HPCAL4: variants seen among roughly 807,000 people sequenced by gnomAD.
HPCAL4 encodes hippocalcin like 4.
In HPCAL4, 16 loss-of-function variants were observed where a neutral mutation model predicts 18.2. The ratio of observed to expected loss-of-function variants is 0.88; its 90% CI spans 0.59 to 1.33. The LOEUF (loss-of-function observed/expected upper bound fraction) is 1.33, where lower values mean the gene tolerates loss of function less well. Among genes scored for constraint, HPCAL4 ranks in the 40% most tolerant of loss-of-function variants. HPCAL4 has a pLI of 0.00. For synonymous variants in HPCAL4, 80 were observed against 97.5 expected, an observed-to-expected ratio of 0.82 and a Z score of 1.06; for missense variants, 214 against 256.6, an observed-to-expected ratio of 0.83 and a Z score of 1.14.
At chr1:39,689,495 G>T (rs1646701767) in intron 1 of HPCAL4, among the ~76,000 whole-genome samples, 1 of 152,204 alleles carries the variant, frequency 6.6e-6, no homozygotes. Context: ...CCTAGGGGAA[G>T]GAAGGGTTCA....
chr1:39,679,506 G>C lies in HPCAL4; in HGVS notation c.*3030C>G, dbSNP rs373882770. On this transcript the variant is annotated 3_prime_UTR_variant, in exon 4 of 4. Coordinates refer to ENST00000372844, the MANE Select transcript of HPCAL4 (RefSeq NM_016257.4). Reference sequence around the variant, plus strand: ...AGATTCTGGGACCTTGCAATTCACAGAGTTGTTGCAATAAGATTGGAATTT... The same window carrying C: ...AGATTCTGGGACCTTGCAATTCACACAGTTGTTGCAATAAGATTGGAATTT... 11 of 152,378 alleles carry C rather than the reference G, an allele frequency of 7.2e-5. No individual in the cohort carries two copies. The East Asian group carries it at 1.9e-3, about 27-fold the overall frequency. 9.4% of individuals were successfully genotyped at this position (152,378 alleles called of 1,614,324 possible). A position where few individuals can be genotyped will look rare whatever the true frequency, so the allele number is the denominator to read the frequency against.
chr1:39,687,311 T>C (rs1646683130), intron 1 of HPCAL4, among the ~76,000 whole-genome samples: 1 of 152,130 alleles, frequency 6.6e-6, no homozygotes, highest in South Asian at 2.1e-4. Flanking sequence ...CTCACCCCTC[T>C]CCCAAATCCA....
rs1451963020 is a variant in HPCAL4, at chr1:39,679,626, G to A, written c.*2910C>T. On this transcript the variant is annotated 3_prime_UTR_variant, in exon 4 of 4. Coordinates refer to ENST00000372844, the MANE Select transcript of HPCAL4 (RefSeq NM_016257.4). ...AATCTCTGCCAGCCTTGTGCTTTGCGGCAAGTCTCTCTCAGCTGGTGCAGG... is the reference window on the plus strand; with the variant it reads ...AATCTCTGCCAGCCTTGTGCTTTGCAGCAAGTCTCTCTCAGCTGGTGCAGG... 4 of 152,152 alleles carry A rather than the reference G, an allele frequency of 2.6e-5. No homozygotes were observed. The highest frequency in any genetic ancestry group is 1.9e-4 in the East Asian group (1 of 5,188). The allele number at this position is 152,152 out of a possible 1,614,324, so 9.4% of individuals were successfully genotyped here. A position where few individuals can be genotyped will look rare whatever the true frequency, so the allele number is the denominator to read the frequency against.
Position 39,679,887 on chromosome 1 carries a change from C to T in HPCAL4, c.*2649G>A, listed in dbSNP as rs1646610402. The T allele has an allele frequency of 1.3e-5, 2 of 152,418 alleles. No homozygotes were observed. Among genetic ancestry groups the T allele is most frequent in the Admixed American group, 6.5e-5 (1 of 15,280 alleles). The allele number at this position is 152,418 out of a possible 1,614,324, so 9.4% of individuals were successfully genotyped here. On this transcript the variant is annotated 3_prime_UTR_variant, in exon 4 of 4. Transcript: ENST00000372844. ...AAAAATCACCCATGGGTATGTGTGT[C>T]CAGAAGCCTGGAGTAATCAAACACG...
intron 3 of HPCAL4, 50 bp downstream of exon 3, chr1:39,683,887 G>C: frequency 6.5e-7 from 1 of 1,536,904 alleles, no homozygotes; most frequent in South Asian, 1.1e-5. Context: ...CAGGGGCGGG[G>C]ATGGCGAAGC....
chr1:39,682,591 G>A lies in HPCAL4; in HGVS notation c.521C>T (p.Ala174Val). The A allele has an allele frequency of 6.2e-7, 1 of 1,614,248 alleles. No individual in the cohort carries two copies. Among genetic ancestry groups the A allele is most frequent in the Non-Finnish European group, 8.5e-7 (1 of 1,180,042 alleles). Residue 174 changes from alanine (A) to valine (V), a missense_variant, in exon 4 of 4, where the codon GCA becomes GTA. By Grantham distance (64) the Ala-to-Val change is moderately conservative. Coordinates refer to ENST00000372844, the MANE Select transcript of HPCAL4 (RefSeq NM_016257.4). ...CACAATGGATGGGTCACTCTTGGCT[G>A]CCTCCTTGAACTCCTCCAATGTAAT... ...DQITLEEFKE[A>V]AKSDPSIVLL...
In HPCAL4 at chr1:39,684,005, C is replaced by T. The variant is rs1171407351; in HGVS notation, c.310G>A (p.Ala104Thr). 1 of 1,613,872 alleles carries T rather than the reference C, an allele frequency of 6.2e-7. No individual in the cohort carries two copies. Among genetic ancestry groups the T allele is most frequent in the Non-Finnish European group, 8.5e-7 (1 of 1,179,916 alleles). The change falls in exon 3 of 4, where the codon GCC becomes ACC. Residue 104 changes from alanine to threonine, a missense_variant. Transcript: ENST00000372844. ...RGSFEQKLNW[A>T]FEMYDLDGDG... The stretch of plus-strand genomic sequence containing the variant: ...CCGTCCAGGTCGTACATCTCAAAGG[C>T]CCAGTTGAGCTTCTGCTCGAAGCTG...
chr1:39,684,250 C>T, intron 2 of HPCAL4, 98 bp from the exon 3 acceptor site: 4 of 1,167,356 alleles, frequency 3.4e-6, no homozygotes, highest in Non-Finnish European at 4.9e-6. Flanking sequence ...CTCGCCTCCT[C>T]CCACCCCGGG....
rs1646647275 is a variant in HPCAL4, at chr1:39,683,808, G to T, written c.378+129C>A. The T allele has an allele frequency of 1.2e-5, 9 of 780,028 alleles. 1 individual carries two copies. In the South Asian group the frequency reaches 1.3e-4, roughly 11 times the overall value. 48.3% of individuals were successfully genotyped at this position (780,028 alleles called of 1,614,324 possible). A position where few individuals can be genotyped will look rare whatever the true frequency, so the allele number is the denominator to read the frequency against. ...GCATTTAGCCCGGGCCTGTAGCGGG[G>T]TGGTAGGAGGCGGGATCGCAGGCTG... On this transcript the variant is annotated intron_variant, in intron 3 of 3. Transcript: ENST00000372844.
Position 39,681,163 on chromosome 1 carries a change from C to T in HPCAL4, c.*1373G>A, listed in dbSNP as rs1646623154. 6.6e-6 allele frequency: 1 copy of T among 152,338 alleles called. No homozygotes were observed. The highest frequency in any genetic ancestry group is 2.4e-5 in the African/African-American group (1 of 41,458). The allele number at this position is 152,338 out of a possible 1,614,324, so 9.4% of individuals were successfully genotyped here. A position where few individuals can be genotyped will look rare whatever the true frequency, so the allele number is the denominator to read the frequency against. On this transcript the variant is annotated 3_prime_UTR_variant, in exon 4 of 4. Transcript: ENST00000372844. The stretch of plus-strand genomic sequence containing the variant: ...CAGGCATTGGAAAGCAGAACCAGCA[C>T]ACTTGGAAGATGTTGAACTACCTGG...
At chr1:39,684,817 G>C (rs1216578067) in intron 1 of HPCAL4, among the ~76,000 whole-genome samples, 1 of 152,118 alleles carries the variant, frequency 6.6e-6, no homozygotes, top group Non-Finnish European at 1.5e-5. Context: ...CGCCTTCCAG[G>C]TCTCAGCTCT....
chr1:39,684,737 A>C, intron 1 of HPCAL4, 126 bp from the exon 2 acceptor site: 1 of 732,636 alleles, frequency 1.4e-6, no homozygotes. Context: ...ACTCCCCCAT[A>C]ATGGGGCCTC....
chr1:39,686,328 G>A (rs927250617), intron 1 of HPCAL4, among the ~76,000 whole-genome samples: 3 of 152,138 alleles, frequency 2.0e-5, no homozygotes, highest in African/African-American at 7.2e-5. Context: ...TACAGCCTGG[G>A]CGATAAAGAA....
intron 1 of HPCAL4, among the ~76,000 whole-genome samples, chr1:39,687,160 G>A (rs897433165): frequency 1.3e-5 from 2 of 152,232 alleles, no homozygotes; most frequent in Non-Finnish European, 2.9e-5. Flanking sequence ...ACTCCCAGAG[G>A]ATGAGGAATT....
At chr1:39,689,322 G>A (rs940461870) in intron 1 of HPCAL4, among the ~76,000 whole-genome samples, 15 of 151,968 alleles carry the variant, frequency 9.9e-5, no homozygotes, top group Non-Finnish European at 2.2e-4. Flanking sequence ...CTGTGGAGAC[G>A]CAGTGGCAAT....
At chr1:39,684,692 A>G in intron 1 of HPCAL4, 81 bp from the exon 2 acceptor site, 1 of 1,275,806 alleles carries the variant, frequency 7.8e-7, no homozygotes, top group Non-Finnish European at 1.0e-6. Context: ...CCTGCCACAC[A>G]CAGGGCGGGG....
intron 3 of HPCAL4, 57 bp from the exon 4 acceptor site, chr1:39,682,790 C>A: frequency 1.4e-6 from 2 of 1,410,714 alleles, no homozygotes; most frequent in South Asian, 1.2e-5. Context: ...CGAGAAGCAG[C>A]GGGTGAAGGA....
In HPCAL4 at chr1:39,682,433, G is replaced by C. The variant is rs983263212; in HGVS notation, c.*103C>G. ...GCAGAGGACTGGGTGGGCCAGAGAG[G>C]GGGGCTGGAGTGTCCCTCCTCCTGG... On this transcript the variant is annotated 3_prime_UTR_variant, in exon 4 of 4. Transcript: ENST00000372844. 1.0e-5 allele frequency: 11 copies of C among 1,068,292 alleles called. No individual in the cohort carries two copies. In the East Asian group the frequency reaches 2.4e-4, roughly 24 times the overall value. The allele number at this position is 1,068,292 out of a possible 1,614,324, so 66.2% of individuals were successfully genotyped here. A position where few individuals can be genotyped will look rare whatever the true frequency, so the allele number is the denominator to read the frequency against.
chr1:39,682,379 G>T lies in HPCAL4; in HGVS notation c.*157C>A, dbSNP rs1646633715. 3.1e-6 allele frequency: 2 copies of T among 644,628 alleles called. No individual in the cohort carries two copies. Among genetic ancestry groups the T allele is most frequent in the South Asian group, 3.7e-5 (2 of 53,388 alleles). The allele number at this position is 644,628 out of a possible 1,614,324, so 39.9% of individuals were successfully genotyped here. A position where few individuals can be genotyped will look rare whatever the true frequency, so the allele number is the denominator to read the frequency against. ...TTGCAGGGTGAGGTGGTCCCTCAAA[G>T]ATCTTGATGGAGGGGAGGAAGGGCT... On this transcript the variant is annotated 3_prime_UTR_variant, in exon 4 of 4. Transcript: ENST00000372844.
Sources: gnomAD v4.1 joint callset for allele counts (sites outside exome capture counted in the v4.1 genomes callset) on GRCh38, gnomAD v4.1.1 for gene constraint, MANE v1.5 for transcripts, NCBI Gene and HGNC (gene_info 2026-07-23, HGNC 2026-07-21) for gene names.